The following PIK3AP1 variants were observed in gnomAD, a reference collection of about 807,000 sequenced individuals.
The protein encoded by PIK3AP1 is phosphoinositide-3-kinase adaptor protein 1.
In PIK3AP1, 21 loss-of-function variants were observed where a neutral mutation model predicts 88.1. That is an observed-to-expected ratio of 0.24 (90% CI 0.17 to 0.34). The LOEUF (loss-of-function observed/expected upper bound fraction) is 0.34, where lower values mean the gene tolerates loss of function less well. Among genes scored for constraint, PIK3AP1 ranks in the 10% least tolerant of loss-of-function variants. The pLI is 1.00. For synonymous variants in PIK3AP1, 398 were observed against 400.0 expected (o/e 1.00, Z 0.06); for missense variants, 828 against 1,035.7 (o/e 0.80, Z 2.75).
chr10:96,699,067 C>T (rs1844259342), intron 2 of PIK3AP1, among the ~76,000 whole-genome samples: 1 of 152,014 alleles, frequency 6.6e-6, no homozygotes, highest in Non-Finnish European at 1.5e-5. Flanking sequence ...ACCTGTAATC[C>T]CAGCTACTTG....
At chr10:96,651,160 A>G (rs1299511730) in intron 6 of PIK3AP1, 88 bp downstream of exon 6, 1 of 1,536,066 alleles carries the variant, frequency 6.5e-7, no homozygotes, top group Non-Finnish European at 9.0e-7. Flanking sequence ...GTTACAGCAG[A>G]AGGTAAACGC....
At chr10:96,644,636 A>G (rs1429901421) in intron 8 of PIK3AP1, among the ~76,000 whole-genome samples, 3 of 152,216 alleles carry the variant, frequency 2.0e-5, no homozygotes, top group Admixed American at 2.0e-4. Context: ...AAAGTTTGTT[A>G]GACAGTTTAT....
chr10:96,623,406 T>C, intron 11 of PIK3AP1, 66 bp downstream of exon 11: 2 of 1,423,970 alleles, frequency 1.4e-6, no homozygotes, highest in Non-Finnish European at 2.0e-6. Context: ...TTGTTACACT[T>C]GGAAATCACT....
At chr10:96,661,838 AGGGAAAAG>A (rs763702791) in intron 2 of PIK3AP1, among the ~76,000 whole-genome samples, 2,589 of 130,754 alleles carry the variant, frequency 0.02, 188 homozygotes, top group Admixed American at 0.13. Flanking sequence ...AGGAAAGGAA[AGGGAAAAG>A]GGAAAGGGAA....
At position 96,629,930 on chromosome 10, in the gene PIK3AP1, A is replaced by AAAAAAAAAAAAAAAAAGAAG. The variant is rs776780994; in HGVS notation, c.1376-1438_1376-1437insCTTCTTTTTTTTTTTTTTTT. On this transcript the variant is annotated intron_variant, in intron 8 of 16. Transcript: ENST00000339364. ...CAACCAAAAAAAAAAAAAAAAAAAA[A>AAAAAAAAAAAAAAAAAGAAG]AAGAAGAAGAAGAAGAAGAAGAAGA... 2.0e-3 allele frequency among the ~76,000 whole-genome samples: 27 copies of AAAAAAAAAAAAAAAAAGAAG among 13,704 alleles called. 1 individual carries two copies. The highest frequency in any genetic ancestry group is 0.033 in the Middle Eastern group (1 of 30). 9.0% of individuals were successfully genotyped at this position (13,704 alleles called of 152,430 possible). A position where few individuals can be genotyped will look rare whatever the true frequency, so the allele number is the denominator to read the frequency against.
intron 8 of PIK3AP1, among the ~76,000 whole-genome samples, chr10:96,629,681 C>T (rs1398838916): frequency 5.3e-4 from 69 of 129,380 alleles, no homozygotes; most frequent in Non-Finnish European, 1.0e-3. Context: ...AGTTCGAGTC[C>T]AGCCTACGCA....
chr10:96,610,349 A>G (rs1290786040), intron 13 of PIK3AP1, among the ~76,000 whole-genome samples: 1 of 152,156 alleles, frequency 6.6e-6, no homozygotes, highest in Non-Finnish European at 1.5e-5. Context: ...TTTAACCCCC[A>G]CAACACCCAA....
At position 96,645,584 on chromosome 10, in the gene PIK3AP1, T is replaced by C; in HGVS notation, c.1264A>G (p.Met422Val). 3 of 1,613,964 alleles carry C rather than the reference T, an allele frequency of 1.9e-6. No individual in the cohort carries two copies. Among genetic ancestry groups the C allele is most frequent in the Non-Finnish European group, 1.7e-6 (2 of 1,179,926 alleles). The change falls in exon 8 of 17, where the codon ATG becomes GTG. Residue 422 changes from methionine (M) to valine (V), a missense_variant. By Grantham distance (21) the Met-to-Val change is conservative. Transcript: ENST00000339364. The stretch of plus-strand genomic sequence containing the variant: ...AGCAGGTCTGTGGAAAGGTGGGCCA[T>C]GGACTCGTACACAGCATCAGCCTCC... ...GEEADAVYES[M>V]AHLSTDLLMK...
At chr10:96,609,954 T>C in intron 13 of PIK3AP1, 87 bp from the exon 14 acceptor site, 1 of 1,477,242 alleles carries the variant, frequency 6.8e-7, no homozygotes, top group South Asian at 1.1e-5. Context: ...CACCTGCCTC[T>C]CTCACAGGAG....
chr10:96,693,638 A>C (rs1164643812), intron 2 of PIK3AP1, among the ~76,000 whole-genome samples: 2 of 152,206 alleles, frequency 1.3e-5, no homozygotes, highest in African/African-American at 4.8e-5. Context: ...CTGTTGACTC[A>C]TGTCTTCAAC....
At chr10:96,692,032 T>G (rs981524933) in intron 2 of PIK3AP1, among the ~76,000 whole-genome samples, 4 of 152,170 alleles carry the variant, frequency 2.6e-5, no homozygotes, top group African/African-American at 4.8e-5. Flanking sequence ...AATTCTAGAT[T>G]TTGCAAAAGA....
intron 11 of PIK3AP1, among the ~76,000 whole-genome samples, chr10:96,622,685 C>G (rs987645730): frequency 6.6e-6 from 1 of 152,164 alleles, no homozygotes; most frequent in Non-Finnish European, 1.5e-5. Context: ...ACTACCAGAG[C>G]CCTTTGGGGG....
At chr10:96,713,562 T>C (rs1844466000) in intron 1 of PIK3AP1, among the ~76,000 whole-genome samples, 1 of 148,452 alleles carries the variant, frequency 6.7e-6, no homozygotes, top group Non-Finnish European at 1.5e-5. Flanking sequence ...TGTGCTCCTA[T>C]AGTCCCAGCT....
At chr10:96,607,211 G>A (rs1849017305) in intron 14 of PIK3AP1, among the ~76,000 whole-genome samples, 1 of 152,058 alleles carries the variant, frequency 6.6e-6, no homozygotes, top group South Asian at 2.1e-4. Context: ...CTCTGCCATG[G>A]GAATTATTTC....
At chr10:96,706,447 G>A (rs1394891132) in intron 2 of PIK3AP1, among the ~76,000 whole-genome samples, 1 of 152,166 alleles carries the variant, frequency 6.6e-6, no homozygotes, top group Non-Finnish European at 1.5e-5. Flanking sequence ...TGTAGTGTAG[G>A]GAGAGTACTG....
At chr10:96,704,976 T>C (rs190178064) in intron 2 of PIK3AP1, among the ~76,000 whole-genome samples, 3 of 152,330 alleles carry the variant, frequency 2.0e-5, no homozygotes, top group East Asian at 1.9e-4. Context: ...CTTTAAACTT[T>C]ACATGGTCTA....
chr10:96,696,707 T>TTCC (rs1226685614), intron 2 of PIK3AP1, among the ~76,000 whole-genome samples: 1 of 152,204 alleles, frequency 6.6e-6, no homozygotes, highest in Non-Finnish European at 1.5e-5. Context: ...AATACATACA[T>TTCC]TCCTTCATAT....
chr10:96,641,448 G>A (rs1393923778), intron 8 of PIK3AP1, among the ~76,000 whole-genome samples: 1 of 152,208 alleles, frequency 6.6e-6, no homozygotes, highest in Non-Finnish European at 1.5e-5. Flanking sequence ...CAGTGAGTGA[G>A]CAAGTGAGTG....
chr10:96,686,905 C>T (rs951887788), intron 2 of PIK3AP1, among the ~76,000 whole-genome samples: 5 of 152,190 alleles, frequency 3.3e-5, no homozygotes, highest in African/African-American at 4.8e-5. Context: ...GGTGGGTGTG[C>T]CCAGGCCGTG....
Sources: allele counts gnomAD v4.1 joint callset (sites outside exome capture counted in the v4.1 genomes callset), GRCh38; gene constraint gnomAD v4.1.1; transcripts MANE v1.5; gene names NCBI Gene and HGNC (gene_info 2026-07-23, HGNC 2026-07-21).